TTC7A: variants seen among roughly 807,000 people sequenced by gnomAD.
TTC7A encodes tetratricopeptide repeat protein 7A.
In TTC7A, 110 loss-of-function variants were observed where a neutral mutation model predicts 103.7. That is an observed-to-expected ratio of 1.06 (90% CI 0.91 to 1.24). The LOEUF is 1.24. TTC7A is among the 50% of genes most tolerant of loss of function. The probability of loss-of-function intolerance (pLI) is 0.00; values close to 1 mark genes in which losing one functional copy is unlikely to be tolerated. For synonymous variants in TTC7A, 521 were observed against 467.9 expected (o/e 1.11, Z -1.47); for missense variants, 1,340 against 1,116.3 (o/e 1.20, Z -2.86).
rs1449095213 is a variant in TTC7A, at chr2:46,980,777, TTC to T, written c.764+1872_764+1873del. ...AGCAGGTTCCCAGGTTACCAACAACTTCTGTCTCAACTGGCTACAAATCAGGT... is the reference window on the plus strand; with the variant it reads ...AGCAGGTTCCCAGGTTACCAACAACTTGTCTCAACTGGCTACAAATCAGGT... On this transcript the variant is annotated intron_variant, in intron 5 of 19. Transcript: ENST00000319190. Among the ~76,000 whole-genome samples the T allele has an allele frequency of 3.9e-5, 6 of 152,318 alleles. No individual in the cohort carries two copies. In the East Asian group the frequency reaches 1.2e-3, roughly 29 times the overall value.
intron 1 of TTC7A, among the ~76,000 whole-genome samples, chr2:46,945,720 TC>T (rs1670878273): frequency 6.7e-6 from 1 of 148,658 alleles, no homozygotes; most frequent in Non-Finnish European, 1.5e-5. Context: ...GTAGTCACCC[TC>T]CCCGCCGCCC....
intron 18 of TTC7A, among the ~76,000 whole-genome samples, chr2:47,052,730 G>T (rs1259352640): frequency 6.6e-6 from 1 of 152,132 alleles, no homozygotes; most frequent in South Asian, 2.1e-4. Flanking sequence ...AGAGGAGGAG[G>T]ATAGGCTAAA....
chr2:46,994,352 G>T lies in TTC7A; in HGVS notation c.844-5G>T, dbSNP rs1288462986. 6.2e-7 allele frequency: 1 copy of T among 1,611,104 alleles called. No homozygotes were observed. The highest frequency in any genetic ancestry group is 1.1e-5 in the South Asian group (1 of 90,768). On this transcript the variant is annotated splice_region_variant and splice_polypyrimidine_tract_variant and intron_variant, in intron 6 of 19. Coordinates refer to ENST00000319190, the MANE Select transcript of TTC7A (RefSeq NM_020458.4). Reference sequence around the variant, plus strand: ...CCTGGGTCCGAGTGCTTCCCTCTCTGCCAGATGGCGGCCAAGCACCTGGCG... The same window carrying T: ...CCTGGGTCCGAGTGCTTCCCTCTCTTCCAGATGGCGGCCAAGCACCTGGCG...
At position 47,007,885 on chromosome 2, in the gene TTC7A, C is replaced by T. The variant is rs549117363; in HGVS notation, c.1287+1161C>T. ...TGCTCAGCAGGGTCTTGTCAAGGCT[C>T]AGGGAGAATTCAGAACACAGGGCAA... is the stretch of plus-strand genomic sequence containing the variant. On this transcript the variant is annotated intron_variant, in intron 10 of 19. Coordinates refer to ENST00000319190, the MANE Select transcript of TTC7A (RefSeq NM_020458.4). The surrounding 1 kb of genome is among the most constrained non-coding windows in gnomAD (Gnocchi z 4.9). Among the ~76,000 whole-genome samples the T allele has an allele frequency of 1.3e-5, 2 of 152,324 alleles. No individual in the cohort carries two copies. Among genetic ancestry groups the T allele is most frequent in the East Asian group, 3.9e-4 (2 of 5,182 alleles).
intron 19 of TTC7A, chr2:47,071,256 G>GC (rs1684672158): frequency 6.6e-6 from 1 of 152,172 alleles, no homozygotes; most frequent in South Asian, 2.1e-4. Context: ...CCTGTTACAG[G>GC]CCCTGGGCCT....
intron 18 of TTC7A, among the ~76,000 whole-genome samples, chr2:47,059,344 A>C (rs1683586374): frequency 6.6e-6 from 1 of 151,950 alleles, no homozygotes; most frequent in African/African-American, 2.4e-5. Flanking sequence ...AGTATGGATT[A>C]TAGCACCTGC....
chr2:46,991,488 A>G (rs1260724087), intron 5 of TTC7A, among the ~76,000 whole-genome samples: 2 of 151,974 alleles, frequency 1.3e-5, no homozygotes, highest in Non-Finnish European at 2.9e-5. Flanking sequence ...ATAAATTATC[A>G]TTTCTTAGAG....
chr2:47,035,933 G>C (rs1311487657), intron 15 of TTC7A, among the ~76,000 whole-genome samples: 2 of 152,224 alleles, frequency 1.3e-5, no homozygotes, highest in Non-Finnish European at 2.9e-5. Flanking sequence ...CAAGGCAATT[G>C]CTTCTTTGTG....
At chr2:46,916,725 C>T (rs1320713284) in intron 1 of TTC7A, 2 of 164,128 alleles carry the variant, frequency 1.2e-5, no homozygotes, top group Admixed American at 6.0e-5. Context: ...ACCTCCGCCT[C>T]CCAGGTTCAA....
intron 7 of TTC7A, 101 bp downstream of exon 7, chr2:46,994,615 C>A: frequency 8.2e-7 from 1 of 1,219,016 alleles, no homozygotes; most frequent in South Asian, 1.4e-5. Context: ...CTCCTCCAGT[C>A]TCCACTCAGC....
At chr2:46,986,150 C>T (rs1002349051) in intron 5 of TTC7A, among the ~76,000 whole-genome samples, 2 of 152,236 alleles carry the variant, frequency 1.3e-5, no homozygotes, top group Non-Finnish European at 2.9e-5. Flanking sequence ...GACGTCAGCT[C>T]ATCTGCATTC....
intron 2 of TTC7A, among the ~76,000 whole-genome samples, chr2:46,918,462 A>G (rs963912849): frequency 4.6e-5 from 7 of 152,232 alleles, no homozygotes; most frequent in Admixed American, 2.0e-4. Context: ...ACTGTAGTCC[A>G]TAAGTGAGAA....
intron 3 of TTC7A, among the ~76,000 whole-genome samples, chr2:46,969,299 C>T (rs942033548): frequency 2.6e-5 from 4 of 151,844 alleles, no homozygotes; most frequent in African/African-American, 4.8e-5. Flanking sequence ...GTCAGGAGAT[C>T]GAGACTATCC....
At chr2:46,968,160 G>A (rs1041728239) in intron 3 of TTC7A, among the ~76,000 whole-genome samples, 1 of 152,230 alleles carries the variant, frequency 6.6e-6, no homozygotes, top group African/African-American at 2.4e-5. Context: ...CCAGCCTGGT[G>A]TTGGGCCTGA....
chr2:47,073,983 G>A lies in TTC7A; in HGVS notation c.*60G>A. ...AGAGGGAGAGGCAGCAGGGAACGTGGGTCAGGGTGGGGCAACAGTGGCATC... is the reference window on the plus strand; with the variant it reads ...AGAGGGAGAGGCAGCAGGGAACGTGAGTCAGGGTGGGGCAACAGTGGCATC... On this transcript the variant is annotated 3_prime_UTR_variant, in exon 20 of 20. Transcript: ENST00000319190. 1 of 1,422,984 alleles carries A rather than the reference G, an allele frequency of 7.0e-7. No individual in the cohort carries two copies. Among genetic ancestry groups the A allele is most frequent in the East Asian group, 2.4e-5 (1 of 41,380 alleles). The allele number at this position is 1,422,984 out of a possible 1,614,324, so 88.1% of individuals were successfully genotyped here.
chr2:47,052,282 G>A (rs1375691421), intron 18 of TTC7A, among the ~76,000 whole-genome samples: 1 of 152,206 alleles, frequency 6.6e-6, no homozygotes, highest in South Asian at 2.1e-4. Context: ...TGCCATTCAG[G>A]TGACAGTCCC....
chr2:47,037,887 T>C (rs1482399309), intron 15 of TTC7A, among the ~76,000 whole-genome samples: 3 of 152,186 alleles, frequency 2.0e-5, no homozygotes, highest in African/African-American at 7.2e-5. Flanking sequence ...CTGGGCCTTT[T>C]ATGTGCACGA....
At chr2:46,956,655 A>G (rs890987387) in intron 2 of TTC7A, 184 bp from the exon 3 acceptor site, 37 of 627,392 alleles carry the variant, frequency 5.9e-5, no homozygotes, top group Non-Finnish European at 9.9e-5. Flanking sequence ...ACCACAATGT[A>G]GGCTGCAGAC....
intron 14 of TTC7A, among the ~76,000 whole-genome samples, chr2:47,028,541 G>A (rs1391045070): frequency 1.3e-5 from 2 of 152,172 alleles, no homozygotes. Context: ...TCAAGCCAGT[G>A]AAAATTGGGA....
Sources: gnomAD v4.1 joint callset for allele counts (sites outside exome capture counted in the v4.1 genomes callset) on GRCh38, gnomAD v4.1.1 for gene constraint, Gnocchi (gnomAD v3.1) non-coding constraint, MANE v1.5 for transcripts, NCBI Gene and HGNC (gene_info 2026-07-23, HGNC 2026-07-21) for gene names.